Variants in MRTFA observed in about 807,000 individuals in gnomAD.
MRTFA encodes myocardin related transcription factor A.
In MRTFA, 20 loss-of-function variants were observed where a neutral mutation model predicts 83.5. The observed-to-expected ratio is 0.24, with a 90% CI of 0.17 to 0.35. The LOEUF is 0.35. Ranked by LOEUF, MRTFA falls within the 10% of genes least tolerant of loss-of-function variation. The pLI, the probability that MRTFA is intolerant of heterozygous loss-of-function variation, is 1.00. For synonymous variants in MRTFA, 659 were observed against 541.2 expected, an observed-to-expected ratio of 1.22 and a Z score of -3.02; for missense variants, 1,200 against 1,224.7, an observed-to-expected ratio of 0.98 and a Z score of 0.30.
intron 1 of MRTFA, among the ~76,000 whole-genome samples, chr22:40,609,854 A>G (rs960243002): frequency 5.3e-5 from 8 of 152,256 alleles, no homozygotes; most frequent in Middle Eastern, 3.4e-3. Flanking sequence ...CCCATCAAAG[A>G]TAACAGGTAT....
intron 2 of MRTFA, among the ~76,000 whole-genome samples, chr22:40,570,927 C>A (rs945406614): frequency 8.8e-5 from 13 of 147,238 alleles, no homozygotes; most frequent in African/African-American, 3.3e-4. Flanking sequence ...TGGTGGCTCA[C>A]ACCTGTAATC....
At chr22:40,523,313 G>A (rs1024226021) in intron 3 of MRTFA, 30 of 152,116 alleles carry the variant, frequency 2.0e-4, no homozygotes, top group African/African-American at 7.2e-4. Context: ...ATATCTTTTG[G>A]AACTGAACTT....
chr22:40,439,551 G>A (rs938267201), intron 4 of MRTFA, among the ~76,000 whole-genome samples: 6 of 148,454 alleles, frequency 4.0e-5, no homozygotes, highest in African/African-American at 1.5e-4. Flanking sequence ...AAAAGAAACT[G>A]TTGGGTAGGG....
chr22:40,459,830 C>CATATATATACATATATAT (rs2053673463), intron 4 of MRTFA, among the ~76,000 whole-genome samples: 2 of 86,944 alleles, frequency 2.3e-5, no homozygotes, highest in African/African-American at 9.8e-5. Context: ...CACATATATA[C>CATATATATACATATATAT]ATATATATAT....
At position 40,565,741 on chromosome 22, in the gene MRTFA, A is replaced by G. The variant is rs953408023; in HGVS notation, c.-21-13374T>C. On this transcript the variant is annotated intron_variant, in intron 2 of 14. Coordinates refer to ENST00000355630, the MANE Select transcript of MRTFA (RefSeq NM_020831.6). ...TAAATATACAATAAAAAGTTTTTGG[A>G]TAACTATAAGCATTATGTGCCTGGG... Among the ~76,000 whole-genome samples, 5 of 152,340 alleles carry G rather than the reference A, an allele frequency of 3.3e-5. No homozygotes were observed. The East Asian group carries it at 9.6e-4, about 29-fold the overall frequency.
At chr22:40,446,415 A>G (rs1433389401) in intron 4 of MRTFA, among the ~76,000 whole-genome samples, 1 of 152,204 alleles carries the variant, frequency 6.6e-6, no homozygotes, top group Non-Finnish European at 1.5e-5. Context: ...CAGGTGATCC[A>G]GGGCGAGTAA....
chr22:40,586,912 G>GTGC (rs2056038455), intron 2 of MRTFA: 2 of 429,762 alleles, frequency 4.7e-6, no homozygotes, highest in African/African-American at 2.1e-5. Flanking sequence ...GGTGCTGCTG[G>GTGC]TGCTGGTGCT....
intron 2 of MRTFA, among the ~76,000 whole-genome samples, chr22:40,570,173 G>A (rs1160925388): frequency 6.6e-6 from 1 of 152,080 alleles, no homozygotes; most frequent in South Asian, 2.1e-4. Flanking sequence ...CATATCAGAA[G>A]GAAGACTATG....
chr22:40,461,336 T>A (rs1404115977), intron 4 of MRTFA, among the ~76,000 whole-genome samples: 3 of 151,774 alleles, frequency 2.0e-5, no homozygotes, highest in Non-Finnish European at 4.4e-5. Context: ...CTTAAAAGCC[T>A]TCAATGGCTT....
At chr22:40,445,246 C>T (rs1372574453) in intron 4 of MRTFA, among the ~76,000 whole-genome samples, 2 of 152,082 alleles carry the variant, frequency 1.3e-5, no homozygotes, top group Non-Finnish European at 2.9e-5. Context: ...CTAGATTGAC[C>T]AGTTATCTTT....
chr22:40,596,572 C>A (rs1293217357), intron 1 of MRTFA, among the ~76,000 whole-genome samples: 1 of 152,036 alleles, frequency 6.6e-6, no homozygotes, highest in African/African-American at 2.4e-5. Flanking sequence ...GAGGCCAAGG[C>A]GGGCGGATCA....
chr22:40,443,479 C>CT (rs1003046227), intron 4 of MRTFA, among the ~76,000 whole-genome samples: 45 of 150,954 alleles, frequency 3.0e-4, no homozygotes, highest in African/African-American at 9.7e-4. Context: ...CACCCCCTCC[C>CT]TTTTTTTTTC....
intron 4 of MRTFA, among the ~76,000 whole-genome samples, chr22:40,451,784 C>T (rs1237887848): frequency 6.6e-6 from 1 of 152,112 alleles, no homozygotes; most frequent in East Asian, 1.9e-4. Context: ...AGTCTAAGAC[C>T]CTGGATCAGT....
rs151025366 is a variant in MRTFA, at chr22:40,549,493, A to G, written c.241+2613T>C. The stretch of plus-strand genomic sequence containing the variant: ...ATACACACTGTATGACTCCATTTTT[A>G]TAAGGTTTAAAAACTAACCACAGTG... On this transcript the variant is annotated intron_variant, in intron 3 of 14. Coordinates refer to ENST00000355630, the MANE Select transcript of MRTFA (RefSeq NM_020831.6). Among the ~76,000 whole-genome samples the G allele has an allele frequency of 3.0e-3, 459 of 152,332 alleles. 2 individuals are homozygous for G. The highest frequency in any genetic ancestry group is 4.7e-3 in the Non-Finnish European group (320 of 68,026).
intron 11 of MRTFA, 75 bp downstream of exon 11, chr22:40,420,329 TA>T: frequency 6.5e-7 from 1 of 1,533,828 alleles, no homozygotes. Context: ...CTTCCCTGCC[TA>T]AAAACCAGCA....
At chr22:40,477,944 G>C (rs12484130) in intron 3 of MRTFA, among the ~76,000 whole-genome samples, 2 of 152,132 alleles carry the variant, frequency 1.3e-5, no homozygotes, top group Non-Finnish European at 1.5e-5. Flanking sequence ...GCAAGCTTCA[G>C]AGAGAGGCAG....
At chr22:40,500,150 C>G (rs192064229) in intron 3 of MRTFA, among the ~76,000 whole-genome samples, 1 of 150,570 alleles carries the variant, frequency 6.6e-6, no homozygotes, top group East Asian at 1.9e-4. Flanking sequence ...AGGCTGGTCT[C>G]GAACTCCTGA....
intron 3 of MRTFA, among the ~76,000 whole-genome samples, chr22:40,496,078 AT>A (rs1303902944): frequency 6.6e-6 from 1 of 151,276 alleles, no homozygotes; most frequent in Admixed American, 6.6e-5. Context: ...AAAAAAAAAA[AT>A]AAATTAATAA....
intron 3 of MRTFA, among the ~76,000 whole-genome samples, chr22:40,498,273 ATTTTTTTTT>A (rs1189933906): frequency 4.9e-5 from 2 of 40,982 alleles, no homozygotes; most frequent in African/African-American, 1.1e-4. Context: ...ATATATATAT[ATTTTTTTTT>A]TTTTTTTTTT....
Sources: allele counts gnomAD v4.1 joint callset (sites outside exome capture counted in the v4.1 genomes callset), GRCh38; gene constraint gnomAD v4.1.1; transcripts MANE v1.5; gene names NCBI Gene and HGNC (gene_info 2026-07-23, HGNC 2026-07-21).